SPAG16: variants seen among roughly 807,000 people sequenced by gnomAD.
SPAG16 encodes the protein sperm associated antigen 16.
In SPAG16, 86 loss-of-function variants were observed where a neutral mutation model predicts 80.4. That is an observed-to-expected ratio of 1.07 (90% CI 0.90 to 1.28). The LOEUF (loss-of-function observed/expected upper bound fraction) is 1.28. SPAG16 is among the 50% of genes most tolerant of loss of function. The pLI is 0.00. For missense variants in SPAG16, 870 were observed against 765.3 expected (o/e 1.14, Z -1.61); for synonymous variants, 294 against 265.9 (o/e 1.11, Z -1.03).
At position 214,149,224 on chromosome 2, in the gene SPAG16, A is replaced by G. The variant is rs368838431; in HGVS notation, c.1678A>G (p.Ile560Val). 1 of 1,599,324 alleles carries G rather than the reference A, an allele frequency of 6.3e-7. No homozygotes were observed. The highest frequency in any genetic ancestry group is 8.5e-7 in the Non-Finnish European group (1 of 1,172,458). Residue 560 changes from isoleucine to valine, a missense_variant, in exon 15 of 16, where the codon ATA (isoleucine) becomes GTA (valine). Coordinates refer to ENST00000331683, the MANE Select transcript of SPAG16 (RefSeq NM_024532.5). ...RKLLPIVSID[I>V]GPSPGNEVNF... Reference sequence around the variant, plus strand: ...GCTGTTACCAATTGTGTCCATCGATATAGGTCCAAGTCCTGGCAATGAGGT... The same window carrying G: ...GCTGTTACCAATTGTGTCCATCGATGTAGGTCCAAGTCCTGGCAATGAGGT...
At chr2:214,028,610 T>C (rs574526722) in intron 13 of SPAG16, among the ~76,000 whole-genome samples, 167 of 152,200 alleles carry the variant, frequency 1.1e-3, no homozygotes, top group Non-Finnish European at 2.1e-3. Flanking sequence ...TTTACATGCA[T>C]TTGATAAAAT....
intron 10 of SPAG16, among the ~76,000 whole-genome samples, chr2:213,564,776 GT>G (rs1289714867): frequency 2.0e-5 from 3 of 152,100 alleles, no homozygotes; most frequent in Non-Finnish European, 4.4e-5. Flanking sequence ...AATCCTGTGA[GT>G]TTTATACCAC....
At chr2:214,104,905 G>C (rs1576216677) in intron 13 of SPAG16, among the ~76,000 whole-genome samples, 1 of 152,216 alleles carries the variant, frequency 6.6e-6, no homozygotes, top group East Asian at 1.9e-4. Context: ...TCTGAAAGGG[G>C]AGGGGAAGGA....
intron 10 of SPAG16, among the ~76,000 whole-genome samples, chr2:213,522,280 A>G (rs1402393400): frequency 5.9e-5 from 9 of 152,234 alleles, no homozygotes; most frequent in East Asian, 1.9e-4. Flanking sequence ...CCATTATTCG[A>G]AAGCTTTATT....
chr2:213,634,513 T>C (rs1044639659), intron 10 of SPAG16, among the ~76,000 whole-genome samples: 7 of 152,302 alleles, frequency 4.6e-5, no homozygotes, highest in African/African-American at 1.7e-4. Context: ...CTATTACCAG[T>C]GAGTTTCATA....
At chr2:213,690,360 A>G (rs2064888441) in intron 10 of SPAG16, among the ~76,000 whole-genome samples, 2 of 152,356 alleles carry the variant, frequency 1.3e-5, no homozygotes, top group African/African-American at 4.8e-5. Flanking sequence ...CATCCTCCAG[A>G]GTGAAGGAAA....
intron 10 of SPAG16, among the ~76,000 whole-genome samples, chr2:213,789,890 G>A (rs141602469): frequency 2.5e-4 from 38 of 151,560 alleles, no homozygotes; most frequent in Admixed American, 2.6e-4. Flanking sequence ...TCCAATTTTC[G>A]GTAACGATAT....
intron 11 of SPAG16, among the ~76,000 whole-genome samples, chr2:213,915,238 T>C (rs181794568): frequency 2.6e-5 from 4 of 151,924 alleles, no homozygotes; most frequent in African/African-American, 9.7e-5. Context: ...CATCAACCCA[T>C]CATCTACATT....
At chr2:214,083,068 G>C (rs1292187572) in intron 13 of SPAG16, among the ~76,000 whole-genome samples, 1 of 152,094 alleles carries the variant, frequency 6.6e-6, no homozygotes, top group Non-Finnish European at 1.5e-5. Context: ...TACCTTACAT[G>C]ATGAATTTAC....
chr2:213,288,127 A>C (rs2062123050), intron 1 of SPAG16, among the ~76,000 whole-genome samples: 1 of 152,036 alleles, frequency 6.6e-6, no homozygotes, highest in Non-Finnish European at 1.5e-5. Context: ...TCTGCTATTC[A>C]GATTGGTCTC....
chr2:213,890,367 A>G (rs2076740955), intron 11 of SPAG16, among the ~76,000 whole-genome samples: 1 of 152,084 alleles, frequency 6.6e-6, no homozygotes, highest in African/African-American at 2.4e-5. Context: ...ACATTCAATT[A>G]TTTATTTGCA....
At chr2:213,578,722 A>G (rs115646195) in intron 10 of SPAG16, among the ~76,000 whole-genome samples, 1 of 152,096 alleles carries the variant, frequency 6.6e-6, no homozygotes, top group Non-Finnish European at 1.5e-5. Flanking sequence ...TCCTACATTA[A>G]TATGGAGACA....
chr2:214,259,517 T>C (rs922249094), intron 15 of SPAG16, among the ~76,000 whole-genome samples: 3 of 139,230 alleles, frequency 2.2e-5, no homozygotes, highest in East Asian at 2.2e-4. Flanking sequence ...TCTCCTTTCC[T>C]GGATTGTCAC....
intron 12 of SPAG16, among the ~76,000 whole-genome samples, chr2:213,976,135 T>TATATATATATATATAC (rs749957411): frequency 0.017 from 1,396 of 81,066 alleles, 5 homozygotes; most frequent in South Asian, 0.033. Flanking sequence ...TATATATATA[T>TATATATATATATATAC]ACACACACAC....
intron 10 of SPAG16, among the ~76,000 whole-genome samples, chr2:213,682,665 C>T (rs1012600528): frequency 5.3e-5 from 8 of 152,002 alleles, no homozygotes; most frequent in African/African-American, 1.9e-4. Context: ...TAGGTTATCT[C>T]AGGGCTGGCA....
chr2:214,003,799 A>T (rs2046904850), intron 12 of SPAG16, among the ~76,000 whole-genome samples: 1 of 152,214 alleles, frequency 6.6e-6, no homozygotes, highest in African/African-American at 2.4e-5. Context: ...CAGCACTATC[A>T]CTTGTGTGTG....
intron 14 of SPAG16, among the ~76,000 whole-genome samples, chr2:214,145,086 A>G (rs2055571029): frequency 6.6e-6 from 1 of 152,112 alleles, no homozygotes; most frequent in African/African-American, 2.4e-5. Context: ...ATATTAAGGA[A>G]TACTATTGGT....
At chr2:214,117,354 C>A (rs1264171412) in intron 14 of SPAG16, among the ~76,000 whole-genome samples, 3 of 152,078 alleles carry the variant, frequency 2.0e-5, no homozygotes, top group Non-Finnish European at 4.4e-5. Context: ...GTTACAGGAT[C>A]CTACAACAGT....
rs192205084 is a variant in SPAG16, at chr2:214,385,280, T to G, written c.1721-24860T>G. On this transcript the variant is annotated intron_variant, in intron 15 of 15. Transcript: ENST00000331683. ...GGGGTGAAAGATAACAGTCCCTACCTTTGGGATTAGTGTGAAGATTAAATG... is the reference window on the plus strand; with the variant it reads ...GGGGTGAAAGATAACAGTCCCTACCGTTGGGATTAGTGTGAAGATTAAATG... Among the ~76,000 whole-genome samples, 9 of 152,342 alleles carry G rather than the reference T, an allele frequency of 5.9e-5. No homozygotes were observed. The East Asian group carries it at 1.2e-3, about 20-fold the overall frequency.
Sources: gnomAD v4.1 joint callset for allele counts (sites outside exome capture counted in the v4.1 genomes callset) on GRCh38, gnomAD v4.1.1 for gene constraint, MANE v1.5 for transcripts, NCBI Gene and HGNC (gene_info 2026-07-23, HGNC 2026-07-21) for gene names.